BORCS8: variants seen among roughly 807,000 people sequenced by gnomAD.
The protein encoded by BORCS8 is BLOC-1-related complex subunit 8.
A neutral mutation model predicts 18.7 loss-of-function variants in BORCS8; 13 were observed. The observed-to-expected ratio is 0.70, with a 90% CI of 0.45 to 1.11. The LOEUF is 1.11. Ranked by LOEUF, BORCS8 falls within the 50% of genes least tolerant of loss-of-function variation. BORCS8 has a pLI of 0.00. For missense variants in BORCS8, 165 were observed against 165.7 expected (o/e 1.00, Z 0.02); for synonymous variants, 68 against 64.8 (o/e 1.05, Z -0.24).
chr19:19,190,587 G>A (rs768523309), intron 1 of BORCS8, among the ~76,000 whole-genome samples: 1 of 152,220 alleles, frequency 6.6e-6, no homozygotes, highest in African/African-American at 2.4e-5. Context: ...TTGGGAGTTC[G>A]ACACCAGCCT....
Position 19,182,926 on chromosome 19 carries a change from G to C in BORCS8, c.216-243C>G, listed in dbSNP as rs542042466. On this transcript the variant is annotated intron_variant, in intron 3 of 5. Coordinates refer to ENST00000462790, the MANE Select transcript of BORCS8 (RefSeq NM_001145784.2). This position sits in a 1 kb window ranked among gnomAD's most constrained non-coding sequence, Gnocchi z 4.1. ...TTTGAAGGAGGGATCAGTGTATAAA[G>C]ATGTCATAAAAAATATCTCGGCCAT... is the stretch of plus-strand genomic sequence containing the variant. Among the ~76,000 whole-genome samples, 17 of 152,274 alleles carry C rather than the reference G, an allele frequency of 1.1e-4. No homozygotes were observed. In the South Asian group the frequency reaches 1.2e-3, roughly 11 times the overall value.
Position 19,177,108 on chromosome 19 carries a change from G to C in BORCS8, c.*395C>G, listed in dbSNP as rs997305573. ...CAGGAAAGGTCGCTCATTGGGTCAC[G>C]TGTCCATCTCAAACCAATCACTAGG... On this transcript the variant is annotated 3_prime_UTR_variant, in exon 6 of 6. Transcript: ENST00000462790. The C allele has an allele frequency of 6.6e-6, 1 of 152,118 alleles. No individual in the cohort carries two copies. The highest frequency in any genetic ancestry group is 6.6e-5 in the Admixed American group (1 of 15,250). 9.4% of individuals were successfully genotyped at this position (152,118 alleles called of 1,614,324 possible). A position where few individuals can be genotyped will look rare whatever the true frequency, so the allele number is the denominator to read the frequency against.
intron 2 of BORCS8, 129 bp downstream of exon 2, chr19:19,186,764 T>C: frequency 1.6e-6 from 1 of 619,392 alleles, no homozygotes; most frequent in Non-Finnish European, 2.7e-6. Context: ...GCCATCTCCT[T>C]CAAAATCTAT....
chr19:19,187,362 C>T (rs1229332522), intron 1 of BORCS8, among the ~76,000 whole-genome samples: 2 of 151,770 alleles, frequency 1.3e-5, no homozygotes, highest in Non-Finnish European at 2.9e-5. Context: ...GTAGTCCCAG[C>T]TATTCTGGAG....
At chr19:19,180,302 A>T in intron 5 of BORCS8, 1 of 235,056 alleles carries the variant, frequency 4.3e-6, no homozygotes, top group South Asian at 5.7e-5. Flanking sequence ...TAGGTGGGTA[A>T]TTGCCCATGC....
chr19:19,188,818 G>A (rs1021097777), intron 1 of BORCS8, among the ~76,000 whole-genome samples: 3 of 151,872 alleles, frequency 2.0e-5, no homozygotes, highest in South Asian at 2.1e-4. Context: ...TCCCCTGCAG[G>A]TGTCTCCTGA....
rs551997433 is a variant in BORCS8, at chr19:19,186,976, C to T, written c.67G>A (p.Val23Ile). 16 of 1,551,350 alleles carry T rather than the reference C, an allele frequency of 1.0e-5. No individual in the cohort carries two copies. The highest frequency in any genetic ancestry group is 2.0e-5 in the Admixed American group (1 of 50,980). The stretch of plus-strand genomic sequence containing the variant: ...GCCACGGATGGCTCGTTGGCCAGGA[C>T]GTAGACGCTCTCAGTGAACTTGTCC... ...VTDKFTESVY[V>I]LANEPSVALY... The change falls in exon 2 of 6, where the codon GTC (valine) becomes ATC (isoleucine). Residue 23 changes from valine to isoleucine, a missense_variant. Coordinates refer to ENST00000462790, the MANE Select transcript of BORCS8 (RefSeq NM_001145784.2).
At chr19:19,184,226 G>A (rs1316595881) in intron 3 of BORCS8, among the ~76,000 whole-genome samples, 1 of 151,472 alleles carries the variant, frequency 6.6e-6, no homozygotes, top group East Asian at 1.9e-4. Context: ...CACCCATGGC[G>A]TAGGTTCCTG....
Position 19,185,384 on chromosome 19 carries a change from C to G in BORCS8, c.215+650G>C, listed in dbSNP as rs78256734. 4.0e-3 allele frequency among the ~76,000 whole-genome samples: 614 copies of G among 152,226 alleles called. 4 individuals carry two copies. The South Asian group carries it at 0.041, about 10-fold the overall frequency. ...AACCAAAGCACAGGAGGCAAGGGGT[C>G]AGTAACAAAAAGAAACACCGGCCAG... On this transcript the variant is annotated intron_variant, in intron 3 of 5. Coordinates refer to ENST00000462790, the MANE Select transcript of BORCS8 (RefSeq NM_001145784.2).
At chr19:19,190,155 G>A (rs1438185020) in intron 1 of BORCS8, among the ~76,000 whole-genome samples, 2 of 152,194 alleles carry the variant, frequency 1.3e-5, no homozygotes, top group Non-Finnish European at 2.9e-5. Flanking sequence ...GACCTTGGCA[G>A]GCATTTTGTT....
chr19:19,192,101 A>T lies in BORCS8; in HGVS notation c.17T>A (p.Met6Lys). The T allele has an allele frequency of 6.4e-7, 1 of 1,551,190 alleles. No homozygotes were observed. Among genetic ancestry groups the T allele is most frequent in the Non-Finnish European group, 8.7e-7 (1 of 1,146,824 alleles). ...ACCACCTTTCTTCCCCTTGAGCTGC[A>T]TCTCCGGCTCCTCCATAGCGACCGC... MEEPE[M>K]QLKGKKVTDK... The change falls in exon 1 of 6, where the codon ATG becomes AAG. Residue 6 changes from methionine to lysine, a missense_variant. Coordinates refer to ENST00000462790, the MANE Select transcript of BORCS8 (RefSeq NM_001145784.2).
chr19:19,184,715 T>G (rs1228177098), intron 3 of BORCS8, among the ~76,000 whole-genome samples: 2 of 152,170 alleles, frequency 1.3e-5, no homozygotes, highest in Non-Finnish European at 2.9e-5. Context: ...TCCTCCCACC[T>G]CAGCATCCCG....
chr19:19,183,615 G>A (rs529172717), intron 3 of BORCS8, among the ~76,000 whole-genome samples: 3 of 148,376 alleles, frequency 2.0e-5, no homozygotes, highest in South Asian at 2.1e-4. Context: ...ACGGAATTTC[G>A]CTCTTGTTGC....
At position 19,180,422 on chromosome 19, in the gene BORCS8, C is replaced by A. The variant is rs146578828; in HGVS notation, c.*42+264G>T. On this transcript the variant is annotated intron_variant, in intron 5 of 5. Transcript: ENST00000462790. ...TCTTGGGGGGTGGAAATCTCTGGGA[C>A]TAGCATGGGGCCTATGGCCTGGAAA... 1.8e-3 allele frequency: 935 copies of A among 528,768 alleles called. 16 individuals carry two copies. The Admixed American group carries it at 0.021, about 12-fold the overall frequency. The allele number at this position is 528,768 out of a possible 1,614,324, so 32.8% of individuals were successfully genotyped here. A position where few individuals can be genotyped will look rare whatever the true frequency, so the allele number is the denominator to read the frequency against.
rs1017690295 is a variant in BORCS8 at position 19,188,833 on chromosome 19, A to AT, written c.38-1829dup. Among the ~76,000 whole-genome samples, 1,352 of 148,832 alleles carry AT rather than the reference A, an allele frequency of 9.1e-3. 18 individuals carry two copies. The highest frequency in any genetic ancestry group is 0.03 in the African/African-American group (1,211 of 40,514). ...TCCCCTGCAGGTGTCTCCTGATGAA[A>AT]TTTTTTTTTTCTTGTTTTTGAGACA... On this transcript the variant is annotated intron_variant, in intron 1 of 5. Coordinates refer to ENST00000462790, the MANE Select transcript of BORCS8 (RefSeq NM_001145784.2).
chr19:19,186,336 C>A (rs999244667), intron 2 of BORCS8, among the ~76,000 whole-genome samples: 1 of 152,340 alleles, frequency 6.6e-6, no homozygotes, highest in African/African-American at 2.4e-5. Flanking sequence ...GATAGTCAGA[C>A]GGCTGCCTCC....
intron 1 of BORCS8, among the ~76,000 whole-genome samples, chr19:19,191,485 T>C (rs1032519618): frequency 2.1e-5 from 3 of 144,292 alleles, no homozygotes; most frequent in African/African-American, 7.7e-5. Flanking sequence ...GTGTGATACC[T>C]TGTCTCAAAA....
Position 19,180,689 on chromosome 19 carries a change from G to A in BORCS8, c.*39C>T. The A allele has an allele frequency of 1.3e-6, 2 of 1,543,186 alleles. No individual in the cohort carries two copies. The highest frequency in any genetic ancestry group is 1.8e-6 in the Non-Finnish European group (2 of 1,140,738). On this transcript the variant is annotated 3_prime_UTR_variant, in exon 5 of 6. Coordinates refer to ENST00000462790, the MANE Select transcript of BORCS8 (RefSeq NM_001145784.2). ...CGTGGCTACCCTCGGCACTGACCTG[G>A]GTTGGCGGAGGCTGGGGGGCCCCGA...
At position 19,177,693 on chromosome 19, in the gene BORCS8, GAAGAGAAAAGAAAA is replaced by G. The variant is rs1384470858; in HGVS notation, c.*43-247_*43-234del. 5.1e-4 allele frequency: 19 copies of G among 37,080 alleles called. 1 individual carries two copies. The highest frequency in any genetic ancestry group is 2.3e-3 in the African/African-American group (19 of 8,152). The allele number at this position is 37,080 out of a possible 1,614,324, so 2.3% of individuals were successfully genotyped here. ...GGAAGGAAGGAAGGAAGGAAGGAAGGAAGAGAAAAGAAAAGAAAAGAAAAGAAAAGAAAAGAAAA... is the reference window on the plus strand; with the variant it reads ...GGAAGGAAGGAAGGAAGGAAGGAAGGGAAAAGAAAAGAAAAGAAAAGAAAA... On this transcript the variant is annotated intron_variant, in intron 5 of 5. Coordinates refer to ENST00000462790, the MANE Select transcript of BORCS8 (RefSeq NM_001145784.2).
Sources: gnomAD v4.1 joint callset for allele counts (sites outside exome capture counted in the v4.1 genomes callset) on GRCh38, gnomAD v4.1.1 for gene constraint, Gnocchi (gnomAD v3.1) non-coding constraint, MANE v1.5 for transcripts, NCBI Gene and HGNC (gene_info 2026-07-23, HGNC 2026-07-21) for gene names.